The following SLC44A1 variants were observed in gnomAD, a reference collection of about 807,000 sequenced individuals.
SLC44A1 encodes the protein solute carrier family 44 member 1, also known as choline transporter-like protein 1.
In SLC44A1, 26 loss-of-function variants were observed where a neutral mutation model predicts 79.3. The observed-to-expected ratio is 0.33, with a 90% CI of 0.24 to 0.46. The LOEUF (loss-of-function observed/expected upper bound fraction) is 0.46. Among genes scored for constraint, SLC44A1 ranks in the 20% least tolerant of loss-of-function variants. The pLI, the probability that SLC44A1 is intolerant of heterozygous loss-of-function variation, is 1.00. For synonymous variants in SLC44A1, 263 were observed against 286.2 expected, an observed-to-expected ratio of 0.92 and a Z score of 0.82; for missense variants, 688 against 798.1, an observed-to-expected ratio of 0.86 and a Z score of 1.66.
At chr9:105,286,841 G>T (rs1437280096) in intron 1 of SLC44A1, among the ~76,000 whole-genome samples, 2 of 152,140 alleles carry the variant, frequency 1.3e-5, no homozygotes, top group African/African-American at 4.8e-5. Context: ...GTGCATGCCT[G>T]TAGTCCTAAC....
intron 12 of SLC44A1, among the ~76,000 whole-genome samples, chr9:105,367,145 T>C (rs1179247973): frequency 6.6e-6 from 1 of 152,182 alleles, no homozygotes; most frequent in East Asian, 1.9e-4. Context: ...CTTTATTTTT[T>C]TAAGTTACTT....
chr9:105,272,370 A>G (rs1210848793), intron 1 of SLC44A1, among the ~76,000 whole-genome samples: 1 of 152,176 alleles, frequency 6.6e-6, no homozygotes, highest in Non-Finnish European at 1.5e-5. Flanking sequence ...ACTCCTCAGT[A>G]TCTCCATCAA....
Position 105,397,169 on chromosome 9 carries a change from A to G in SLC44A1, c.*8113A>G. ...TCAGAGAACAATCAGCCTATATGAA[A>G]CGGAGCTTTGAAATGTTTTTCTTGT... On this transcript the variant is annotated 3_prime_UTR_variant, in exon 16 of 16. Transcript: ENST00000374720. 1 of 985,430 alleles carries G rather than the reference A, an allele frequency of 1.0e-6. No homozygotes were observed. Among genetic ancestry groups the G allele is most frequent in the Non-Finnish European group, 1.2e-6 (1 of 829,922 alleles). The allele number at this position is 985,430 out of a possible 1,614,324, so 61.0% of individuals were successfully genotyped here.
At chr9:105,436,271 A>G (rs1451940180) in intron 15 of SLC44A1, among the ~76,000 whole-genome samples, 6 of 152,212 alleles carry the variant, frequency 3.9e-5, no homozygotes, top group Non-Finnish European at 8.8e-5. Context: ...ACATCAGACA[A>G]ATCACAACTT....
At chr9:105,352,910 T>C (rs971192529) in intron 5 of SLC44A1, among the ~76,000 whole-genome samples, 4 of 152,204 alleles carry the variant, frequency 2.6e-5, no homozygotes, top group African/African-American at 9.6e-5. Context: ...TTGTTTTTGT[T>C]TGGGGAAAAG....
chr9:105,304,997 G>A (rs1399595514), intron 2 of SLC44A1, among the ~76,000 whole-genome samples: 1 of 98,176 alleles, frequency 1.0e-5, no homozygotes, highest in African/African-American at 4.0e-5. Flanking sequence ...CAGAGTCAAG[G>A]TCTCACTCTA....
intron 15 of SLC44A1, among the ~76,000 whole-genome samples, chr9:105,418,668 C>G (rs1294189504): frequency 6.6e-6 from 1 of 152,148 alleles, no homozygotes; most frequent in Non-Finnish European, 1.5e-5. Flanking sequence ...GGGCCACAAC[C>G]CTGAAATGAT....
intron 15 of SLC44A1, among the ~76,000 whole-genome samples, chr9:105,431,464 C>A (rs1268215731): frequency 6.6e-6 from 1 of 152,210 alleles, no homozygotes; most frequent in Non-Finnish European, 1.5e-5. Flanking sequence ...TCTTGATAAA[C>A]ACTGGCATGA....
At chr9:105,351,983 G>A (rs901096487) in intron 5 of SLC44A1, among the ~76,000 whole-genome samples, 67 of 152,210 alleles carry the variant, frequency 4.4e-4, no homozygotes, top group African/African-American at 7.5e-4. Flanking sequence ...AAAGAAGGCC[G>A]GGCACAGTGG....
Position 105,420,707 on chromosome 9 carries a change from C to T in SLC44A1, c.1951-17574C>T, listed in dbSNP as rs575191459. Among the ~76,000 whole-genome samples the T allele has an allele frequency of 2.0e-5, 3 of 151,696 alleles. No individual in the cohort carries two copies. In the East Asian group the frequency reaches 5.8e-4, roughly 29 times the overall value. Reference sequence around the variant, plus strand: ...AGAAACCCCCTCTCTACTAAAAATACAAAATTAGCCGGGCGTGGTGACACA... The same window carrying T: ...AGAAACCCCCTCTCTACTAAAAATATAAAATTAGCCGGGCGTGGTGACACA... On this transcript the variant is annotated intron_variant, in intron 15 of 15. Coordinates refer to the SLC44A1 transcript ENST00000374724.
chr9:105,410,922 A>C (rs1346237223), intron 15 of SLC44A1, among the ~76,000 whole-genome samples: 1 of 152,210 alleles, frequency 6.6e-6, no homozygotes, highest in East Asian at 1.9e-4. Flanking sequence ...CTAAGGGGAA[A>C]AAGCCAGACA....
intron 1 of SLC44A1, among the ~76,000 whole-genome samples, chr9:105,285,550 A>G (rs995738812): frequency 2.0e-5 from 3 of 152,220 alleles, no homozygotes; most frequent in African/African-American, 7.2e-5. Flanking sequence ...ACCTGGGTGC[A>G]GGCGGGCTGA....
intron 15 of SLC44A1, 32 bp from the exon 16 acceptor site, chr9:105,389,001 A>C (rs1314765993): frequency 6.4e-7 from 1 of 1,557,010 alleles, no homozygotes; most frequent in Non-Finnish European, 8.9e-7. Flanking sequence ...GTAATTGTCT[A>C]AGATTATACT....
intron 1 of SLC44A1, among the ~76,000 whole-genome samples, chr9:105,254,404 G>C (rs443094): frequency 0.19 from 29,315 of 152,096 alleles, 4,752 homozygotes; most frequent in African/African-American, 0.44. Flanking sequence ...TTGATTTAGA[G>C]TAACCAGGAC....
At chr9:105,343,084 A>G (rs1249172144) in intron 4 of SLC44A1, among the ~76,000 whole-genome samples, 1 of 151,960 alleles carries the variant, frequency 6.6e-6, no homozygotes, top group Non-Finnish European at 1.5e-5. Flanking sequence ...TGGAATTTTT[A>G]TTACCGTTTC....
intron 5 of SLC44A1, among the ~76,000 whole-genome samples, chr9:105,350,239 T>C (rs191970575): frequency 2.0e-5 from 3 of 152,232 alleles, no homozygotes; most frequent in East Asian, 3.9e-4. Context: ...ACTAAGCCAG[T>C]TGGAAAGTAA....
intron 5 of SLC44A1, among the ~76,000 whole-genome samples, chr9:105,352,615 T>C (rs772988830): frequency 1.1e-4 from 16 of 152,202 alleles, no homozygotes; most frequent in Non-Finnish European, 1.5e-4. Flanking sequence ...TAGAAAAACT[T>C]ACTGTATATA....
chr9:105,348,492 T>G (rs766212579), intron 5 of SLC44A1, 41 bp downstream of exon 5: 7 of 1,208,238 alleles, frequency 5.8e-6, no homozygotes, highest in Non-Finnish European at 7.4e-6. Flanking sequence ...GACTGTTGTT[T>G]TTGTAGGTAA....
intron 1 of SLC44A1, among the ~76,000 whole-genome samples, chr9:105,284,810 T>C (rs1168906955): frequency 1.3e-5 from 2 of 152,186 alleles, no homozygotes; most frequent in Non-Finnish European, 1.5e-5. Flanking sequence ...TGAGATATAA[T>C]TCATATACCA....
Sources: allele counts gnomAD v4.1 joint callset (sites outside exome capture counted in the v4.1 genomes callset), GRCh38; gene constraint gnomAD v4.1.1; transcripts MANE v1.5; gene names NCBI Gene and HGNC (gene_info 2026-07-23, HGNC 2026-07-21).